SND1: variants seen among roughly 807,000 people sequenced by gnomAD.
SND1 encodes the protein staphylococcal nuclease domain-containing protein 1.
Under a neutral mutation model 121.7 loss-of-function variants are expected in SND1, and 38 were observed. That is an observed-to-expected ratio of 0.31 (90% CI 0.24 to 0.41). The LOEUF (loss-of-function observed/expected upper bound fraction) is 0.41, where lower values mean the gene tolerates loss of function less well. Among genes scored for constraint, SND1 ranks in the 10% least tolerant of loss-of-function variants. The pLI, the probability that SND1 is intolerant of heterozygous loss-of-function variation, is 1.00. For synonymous variants in SND1, 401 were observed against 447.4 expected (o/e 0.90, Z 1.31); for missense variants, 868 against 1,184.6 (o/e 0.73, Z 3.92).
chr7:128,069,270 G>T (rs576048032), intron 16 of SND1, among the ~76,000 whole-genome samples: 10 of 152,332 alleles, frequency 6.6e-5, no homozygotes, highest in Non-Finnish European at 1.5e-4. Context: ...CTTCTCATCA[G>T]AGGTATACAG....
intron 11 of SND1, among the ~76,000 whole-genome samples, chr7:127,824,612 G>A (rs778166855): frequency 4.6e-5 from 7 of 151,538 alleles, no homozygotes; most frequent in African/African-American, 9.7e-5. Flanking sequence ...CTTCTCTTCC[G>A]TCACTTCAGC....
intron 10 of SND1, among the ~76,000 whole-genome samples, chr7:127,760,419 G>T (rs2043981): frequency 0.3 from 46,087 of 152,012 alleles, 7,689 homozygotes; most frequent in African/African-American, 0.45. Context: ...AGTTGAATAA[G>T]ATAACACATA....
At chr7:128,028,965 G>A (rs147733578) in intron 16 of SND1, 2 of 1,608,598 alleles carry the variant, frequency 1.2e-6, no homozygotes, top group African/African-American at 1.3e-5. Flanking sequence ...GGCTGTGACT[G>A]TACTCCGCTG....
At chr7:127,685,227 G>C (rs965930603) in intron 1 of SND1, among the ~76,000 whole-genome samples, 1 of 152,130 alleles carries the variant, frequency 6.6e-6, no homozygotes, top group Non-Finnish European at 1.5e-5. Flanking sequence ...GTTAGTTAAG[G>C]TAGAGAGGTG....
Position 127,652,449 on chromosome 7 carries a change from A to T in SND1, c.76A>T (p.Met26Leu). 7.6e-6 allele frequency: 12 copies of T among 1,577,772 alleles called. No individual in the cohort carries two copies. Among genetic ancestry groups the T allele is most frequent in the Non-Finnish European group, 1.0e-5 (12 of 1,161,778 alleles). ...CACCGTGCAGCGGGGCATCATCAAG[A>T]TGGTGAGAACGGGCCCCGGACACCG... ...VPTVQRGIIKMVLSGCAIIVR... is the reference protein window; with the variant it reads ...VPTVQRGIIKLVLSGCAIIVR... The change falls in exon 1 of 24, where the codon ATG (methionine) becomes TTG (leucine). Residue 26 changes from methionine (M) to leucine (L), a missense_variant and splice_region_variant. Transcript: ENST00000354725.
chr7:127,656,827 C>A (rs142943256), intron 1 of SND1, among the ~76,000 whole-genome samples: 259 of 152,208 alleles, frequency 1.7e-3, no homozygotes, highest in African/African-American at 5.9e-3. Flanking sequence ...CTTAAAATAC[C>A]CTTCTACTAT....
chr7:127,777,172 A>G (rs1797635744), intron 10 of SND1, among the ~76,000 whole-genome samples: 1 of 152,206 alleles, frequency 6.6e-6, no homozygotes, highest in Non-Finnish European at 1.5e-5. Context: ...GCATTTTATG[A>G]TCAAGGAACT....
intron 10 of SND1, among the ~76,000 whole-genome samples, chr7:127,758,754 C>T (rs1797243819): frequency 6.6e-6 from 1 of 152,004 alleles, no homozygotes; most frequent in Admixed American, 6.6e-5. Flanking sequence ...ACATTTGTGT[C>T]AGATTTTTAA....
intron 10 of SND1, among the ~76,000 whole-genome samples, chr7:127,804,215 A>G (rs1174104314): frequency 6.6e-6 from 1 of 152,184 alleles, no homozygotes; most frequent in Non-Finnish European, 1.5e-5. Flanking sequence ...AGGGACTTCT[A>G]ATATCTCTCT....
chr7:127,699,054 C>A, intron 4 of SND1, 101 bp downstream of exon 4: 1 of 870,878 alleles, frequency 1.1e-6, no homozygotes, highest in Non-Finnish European at 1.9e-6. Flanking sequence ...GGGGCTTTCA[C>A]ACCTTCGCGG....
chr7:127,996,419 T>C (rs534165542), intron 16 of SND1, among the ~76,000 whole-genome samples: 9 of 152,348 alleles, frequency 5.9e-5, no homozygotes, highest in Non-Finnish European at 1.3e-4. Flanking sequence ...CCCTCGGTCC[T>C]TTCCCTACAT....
intron 16 of SND1, among the ~76,000 whole-genome samples, chr7:128,043,664 C>T (rs1210534469): frequency 1.3e-5 from 2 of 151,306 alleles, no homozygotes. Context: ...CAGGCAGGAA[C>T]ACCTCTTGGT....
chr7:127,829,069 A>G (rs944777666), intron 11 of SND1, among the ~76,000 whole-genome samples: 2 of 152,232 alleles, frequency 1.3e-5, no homozygotes, highest in African/African-American at 4.8e-5. Context: ...CTAGCGATAC[A>G]TTCAAACAGG....
At chr7:127,933,795 T>C (rs531515095) in intron 15 of SND1, among the ~76,000 whole-genome samples, 4 of 152,316 alleles carry the variant, frequency 2.6e-5, no homozygotes, top group South Asian at 2.1e-4. Flanking sequence ...ACCATAGAAA[T>C]TGTGACCTAC....
chr7:127,876,381 G>A (rs1799690423), intron 12 of SND1, among the ~76,000 whole-genome samples: 1 of 152,066 alleles, frequency 6.6e-6, no homozygotes, highest in African/African-American at 2.4e-5. Flanking sequence ...CTCAACTGGG[G>A]TAGAGAGAGA....
At chr7:128,040,339 G>C (rs1792829121) in intron 16 of SND1, among the ~76,000 whole-genome samples, 6 of 151,188 alleles carry the variant, frequency 4.0e-5, no homozygotes, top group Admixed American at 4.0e-4. Context: ...AGGCCAAGGT[G>C]GGGGAATTGC....
At chr7:127,924,675 C>T (rs1800794557) in intron 14 of SND1, among the ~76,000 whole-genome samples, 1 of 152,158 alleles carries the variant, frequency 6.6e-6, no homozygotes, top group African/African-American at 2.4e-5. Context: ...CCTGTGCCTG[C>T]TGTACAAGGA....
chr7:127,757,154 G>A (rs1797212020), intron 10 of SND1, among the ~76,000 whole-genome samples: 1 of 152,042 alleles, frequency 6.6e-6, no homozygotes, highest in Non-Finnish European at 1.5e-5. Context: ...AATTAGTTAT[G>A]CCTTCTCAAA....
intron 1 of SND1, among the ~76,000 whole-genome samples, chr7:127,685,001 C>T (rs1477045184): frequency 2.6e-5 from 4 of 151,944 alleles, no homozygotes; most frequent in African/African-American, 2.4e-5. Flanking sequence ...GTGATATATT[C>T]GTACAAAATC....
Sources: allele counts gnomAD v4.1 joint callset (sites outside exome capture counted in the v4.1 genomes callset), GRCh38; gene constraint gnomAD v4.1.1; transcripts MANE v1.5; gene names NCBI Gene and HGNC (gene_info 2026-07-23, HGNC 2026-07-21).